DPP10: variants seen among roughly 807,000 people sequenced by gnomAD.
DPP10 encodes the protein dipeptidyl peptidase like 10.
Under a neutral mutation model 120.9 loss-of-function variants are expected in DPP10, and 33 were observed. The observed-to-expected ratio is 0.27, with a 90% CI of 0.21 to 0.37. The LOEUF is 0.37. DPP10 is among the 10% of genes least tolerant of loss of function. DPP10 has a pLI of 1.00. For synonymous variants in DPP10, 337 were observed against 326.1 expected, an observed-to-expected ratio of 1.03 and a Z score of -0.36; for missense variants, 816 against 942.8, an observed-to-expected ratio of 0.87 and a Z score of 1.76.
chr2:114,449,155 C>T (rs1678110802), intron 1 of DPP10, among the ~76,000 whole-genome samples: 1 of 152,056 alleles, frequency 6.6e-6, no homozygotes, highest in Admixed American at 6.6e-5. Context: ...GAAATGTCTC[C>T]CTTCTTGCCA....
chr2:115,549,023 A>C (rs557709897), intron 5 of DPP10, among the ~76,000 whole-genome samples: 1 of 152,274 alleles, frequency 6.6e-6, no homozygotes, highest in South Asian at 2.1e-4. Flanking sequence ...TTTGATATCA[A>C]GGAACCCAGC....
intron 3 of DPP10, among the ~76,000 whole-genome samples, chr2:115,432,659 T>TTGTGTGTGTGTGTGTGTGTGTGTG (rs59844767): frequency 7.3e-6 from 1 of 137,672 alleles, no homozygotes. Context: ...ATAGGCAATT[T>TTGTGTGTGTGTGTGTGTGTGTGTG]TGTGTGTGTG....
At chr2:115,062,166 GTGTA>G (rs1276000398) in intron 1 of DPP10, among the ~76,000 whole-genome samples, 4 of 142,180 alleles carry the variant, frequency 2.8e-5, no homozygotes, top group Admixed American at 7.1e-5. Context: ...GTGTGTGTGT[GTGTA>G]TGTGTGTGCA....
At chr2:115,311,231 A>G (rs2061562959) in intron 2 of DPP10, among the ~76,000 whole-genome samples, 1 of 152,164 alleles carries the variant, frequency 6.6e-6, no homozygotes, top group South Asian at 2.1e-4. Flanking sequence ...CACTTTACTC[A>G]TCTGCATGAT....
At chr2:115,068,041 A>G (rs1707066356) in intron 1 of DPP10, among the ~76,000 whole-genome samples, 1 of 151,952 alleles carries the variant, frequency 6.6e-6, no homozygotes, top group Non-Finnish European at 1.5e-5. Context: ...AGGAATGCAG[A>G]TATCTCTTCA....
At chr2:115,711,321 G>C (rs977384616) in intron 7 of DPP10, among the ~76,000 whole-genome samples, 1 of 152,092 alleles carries the variant, frequency 6.6e-6, no homozygotes, top group Admixed American at 6.6e-5. Flanking sequence ...AGTACTGTTA[G>C]AGAAATTAAA....
chr2:114,804,634 T>C (rs1165946274), intron 1 of DPP10, among the ~76,000 whole-genome samples: 1 of 152,178 alleles, frequency 6.6e-6, no homozygotes, highest in Non-Finnish European at 1.5e-5. Context: ...ATTTCAGACT[T>C]GCACGGGCCC....
Position 114,568,549 on chromosome 2 carries a change from C to T in DPP10, c.60+125711C>T, listed in dbSNP as rs368984218. 1.8e-4 allele frequency among the ~76,000 whole-genome samples: 27 copies of T among 152,278 alleles called. No homozygotes were observed. The South Asian group carries it at 5.2e-3, about 29-fold the overall frequency. On this transcript the variant is annotated intron_variant, in intron 1 of 25. Coordinates refer to ENST00000410059, the MANE Select transcript of DPP10 (RefSeq NM_020868.6). Reference sequence around the variant, plus strand: ...ATTTCTCAATCCTGTCACACTCACCCACCCATCCCATTATCGCCTCAATCC... The same window carrying T: ...ATTTCTCAATCCTGTCACACTCACCTACCCATCCCATTATCGCCTCAATCC...
rs35269820 is a variant in DPP10 at position 114,834,671 on chromosome 2, A to G, written c.60+391833A>G. On this transcript the variant is annotated intron_variant, in intron 1 of 25. Transcript: ENST00000410059. The stretch of plus-strand genomic sequence containing the variant: ...ACACCTATGTATATATATAGGCCAT[A>G]TCTACACACCTATGTATATATAAGA... Among the ~76,000 whole-genome samples, 74 of 125,854 alleles carry G rather than the reference A, an allele frequency of 5.9e-4. 1 individual carries two copies. The highest frequency in any genetic ancestry group is 2.4e-3 in the African/African-American group (71 of 30,040). 82.6% of individuals were successfully genotyped at this position (125,854 alleles called of 152,430 possible). A position where few individuals can be genotyped will look rare whatever the true frequency, so the allele number is the denominator to read the frequency against.
chr2:114,685,163 C>T (rs983544419), intron 1 of DPP10, among the ~76,000 whole-genome samples: 1 of 151,928 alleles, frequency 6.6e-6, no homozygotes, highest in African/African-American at 2.4e-5. Context: ...TCCTCTTTCT[C>T]TTCCTAGCTG....
intron 3 of DPP10, among the ~76,000 whole-genome samples, chr2:115,371,324 A>C (rs1297827149): frequency 6.6e-6 from 1 of 152,188 alleles, no homozygotes; most frequent in African/African-American, 2.4e-5. Context: ...GGATGAAAGA[A>C]GGAGTCTCTT....
At position 114,586,787 on chromosome 2, in the gene DPP10, C is replaced by A. The variant is rs572807122; in HGVS notation, c.60+143949C>A. 3.9e-5 allele frequency among the ~76,000 whole-genome samples: 6 copies of A among 152,256 alleles called. No individual in the cohort carries two copies. The East Asian group carries it at 9.7e-4, about 25-fold the overall frequency. On this transcript the variant is annotated intron_variant, in intron 1 of 25. Coordinates refer to ENST00000410059, the MANE Select transcript of DPP10 (RefSeq NM_020868.6). Reference sequence around the variant, plus strand: ...TCAGTGAGTTCTTGCTCTCTTAGTTCCCATGAGAGTTCCCAAAGAACTGAT... The same window carrying A: ...TCAGTGAGTTCTTGCTCTCTTAGTTACCATGAGAGTTCCCAAAGAACTGAT...
intron 1 of DPP10, among the ~76,000 whole-genome samples, chr2:114,841,996 TAA>T (rs1204487901): frequency 3.9e-5 from 6 of 152,040 alleles, no homozygotes; most frequent in Non-Finnish European, 5.9e-5. Flanking sequence ...AGAGCTAGAG[TAA>T]CCATCTTATC....
At chr2:114,747,801 C>A (rs1477676408) in intron 1 of DPP10, among the ~76,000 whole-genome samples, 1 of 152,166 alleles carries the variant, frequency 6.6e-6, no homozygotes, top group African/African-American at 2.4e-5. Flanking sequence ...CTTATTTGAA[C>A]TTTGCACTTC....
At chr2:114,959,054 T>G (rs1005165325) in intron 1 of DPP10, among the ~76,000 whole-genome samples, 1 of 152,134 alleles carries the variant, frequency 6.6e-6, no homozygotes, top group Non-Finnish European at 1.5e-5. Context: ...TTTTTTGGTT[T>G]GTTTTTGTTT....
chr2:114,846,004 C>A (rs1288075163), intron 1 of DPP10, among the ~76,000 whole-genome samples: 2 of 151,664 alleles, frequency 1.3e-5, no homozygotes, highest in Non-Finnish European at 2.9e-5. Context: ...TTTTCTCATG[C>A]CAATATATTT....
chr2:114,597,137 G>A (rs1691979361), intron 1 of DPP10, among the ~76,000 whole-genome samples: 1 of 151,976 alleles, frequency 6.6e-6, no homozygotes, highest in African/African-American at 2.4e-5. Flanking sequence ...TGGTGGCCAG[G>A]CAGAAAAGAG....
At chr2:115,560,019 A>T (rs1242156076) in intron 5 of DPP10, among the ~76,000 whole-genome samples, 1 of 151,964 alleles carries the variant, frequency 6.6e-6, no homozygotes. Flanking sequence ...ACTAGTAGGG[A>T]CCAACGACTT....
chr2:115,249,545 A>G (rs1029128173), intron 1 of DPP10, among the ~76,000 whole-genome samples: 2 of 152,166 alleles, frequency 1.3e-5, no homozygotes, highest in African/African-American at 4.8e-5. Context: ...ATACCATAAT[A>G]AGGAGTGTGG....
Sources: allele counts gnomAD v4.1 joint callset (sites outside exome capture counted in the v4.1 genomes callset), GRCh38; gene constraint gnomAD v4.1.1; transcripts MANE v1.5; gene names NCBI Gene and HGNC (gene_info 2026-07-23, HGNC 2026-07-21).